CAMSAP3: variants seen among roughly 807,000 people sequenced by gnomAD.
CAMSAP3 encodes calmodulin-regulated spectrin-associated protein 3.
CAMSAP3 carries 34 observed loss-of-function variants against 112.5 expected under a neutral mutation model. The observed-to-expected ratio is 0.30, with a 90% CI of 0.23 to 0.40. CAMSAP3 has a LOEUF of 0.40. CAMSAP3 is among the 10% of genes least tolerant of loss of function. The pLI is 1.00. For missense variants in CAMSAP3, 1,602 were observed against 1,770.3 expected (o/e 0.90, Z 1.71); for synonymous variants, 868 against 799.8 (o/e 1.09, Z -1.44).
At position 7,606,150 on chromosome 19, in the gene CAMSAP3, A is replaced by G. The variant is rs909341011; in HGVS notation, c.403-121A>G. The G allele has an allele frequency of 4.5e-5, 12 of 265,354 alleles. 1 individual carries two copies. The highest frequency in any genetic ancestry group is 4.9e-5 in the Admixed American group (1 of 20,244). 16.4% of individuals were successfully genotyped at this position (265,354 alleles called of 1,614,324 possible). ...ATGAACCACTGGCCCCGCCCCCTCA[A>G]GCCCCACCCCCCCCGTCAAGTCCCT... On this transcript the variant is annotated intron_variant, in intron 2 of 16. Transcript: ENST00000160298.
chr19:7,606,678 C>A (rs1342959355), intron 4 of CAMSAP3, 107 bp downstream of exon 4: 2 of 1,559,930 alleles, frequency 1.3e-6, no homozygotes, highest in Non-Finnish European at 1.8e-6. Flanking sequence ...CTAGAGGTGA[C>A]ACACTCTCTC....
chr19:7,605,267 C>G lies in CAMSAP3; in HGVS notation c.190C>G (p.Gln64Glu). The G allele has an allele frequency of 6.2e-7, 1 of 1,606,230 alleles. No homozygotes were observed. Among genetic ancestry groups the G allele is most frequent in the African/African-American group, 1.3e-5 (1 of 74,524 alleles). The change falls in exon 2 of 17, where the codon CAG (glutamine) becomes GAG (glutamate). Residue 64 changes from glutamine (Q) to glutamate (E), a missense_variant. Coordinates refer to ENST00000160298, the MANE Select transcript of CAMSAP3 (RefSeq NM_020902.2). ...PELWEPFYTD[Q>E]YAQEHVKPPV... The stretch of plus-strand genomic sequence containing the variant: ...GCTGTGGGAGCCCTTCTATACCGAC[C>G]AGTACGCGCAGGAGCATGTGAAGCC...
rs1024174137 is a variant in CAMSAP3 at position 7,612,853 on chromosome 19, C to T, written c.2360C>T (p.Ala787Val). 7.5e-6 allele frequency: 12 copies of T among 1,594,228 alleles called. No homozygotes were observed. The highest frequency in any genetic ancestry group is 5.4e-5 in the African/African-American group (4 of 73,932). ...CGCAGCCCGAAACACACGCGGCCAG[C>T]GGAGCTGCGGCTGGCACCCTTGACC... ...SPRSPKHTRP[A>V]ELRLAPLTRV... The change falls in exon 11 of 17, where the codon GCG becomes GTG. Residue 787 changes from alanine to valine, a missense_variant. Transcript: ENST00000160298.
rs773367633 is a variant in CAMSAP3 at position 7,605,236 on chromosome 19, C to T, written c.159C>T (p.Pro53=). The change falls in exon 2 of 17, where the codon CCC becomes CCT. Residue 53 remains proline, a synonymous_variant. Transcript: ENST00000160298. ...RAAFGGAEHV[P]PELWEPFYTD... Reference sequence around the variant, plus strand: ...TCTATGCCCCCACAGAGCACGTGCCCCCGGAGCTGTGGGAGCCCTTCTATA... The same window carrying T: ...TCTATGCCCCCACAGAGCACGTGCCTCCGGAGCTGTGGGAGCCCTTCTATA... The T allele has an allele frequency of 1.3e-6, 2 of 1,551,280 alleles. No individual in the cohort carries two copies. The highest frequency in any genetic ancestry group is 1.7e-6 in the Non-Finnish European group (2 of 1,147,428).
At position 7,612,923 on chromosome 19, in the gene CAMSAP3, G is replaced by A; in HGVS notation, c.2430G>A (p.Leu810=). The A allele has an allele frequency of 6.2e-7, 1 of 1,609,718 alleles. No individual in the cohort carries two copies. The highest frequency in any genetic ancestry group is 8.5e-7 in the Non-Finnish European group (1 of 1,179,194). ...ACGACGTAGACAGCCTCCCCCACCT[G>A]CGCAAGTTCTCGCCGAGCCAGGTGC... The part of the protein sequence containing the change: ...PPHDVDSLPH[L]RKFSPSQVPV... The change falls in exon 11 of 17, where the codon CTG becomes CTA. Residue 810 remains leucine, a synonymous_variant. Transcript: ENST00000160298.
At position 7,612,860 on chromosome 19, in the gene CAMSAP3, G is replaced by A. The variant is rs1402176303; in HGVS notation, c.2367G>A (p.Leu789=). 6.2e-7 allele frequency: 1 copy of A among 1,600,010 alleles called. No individual in the cohort carries two copies. Among genetic ancestry groups the A allele is most frequent in the Non-Finnish European group, 8.5e-7 (1 of 1,175,198 alleles). The change falls in exon 11 of 17, where the codon CTG becomes CTA. Residue 789 remains leucine (L), a synonymous_variant. Coordinates refer to ENST00000160298, the MANE Select transcript of CAMSAP3 (RefSeq NM_020902.2). ...RSPKHTRPAE[L]RLAPLTRVLT... is the part of the protein sequence containing the mutation. ...CGAAACACACGCGGCCAGCGGAGCT[G>A]CGGCTGGCACCCTTGACCAGGGTGC...
chr19:7,613,137 C>G lies in CAMSAP3; in HGVS notation c.2644C>G (p.Arg882Gly). 2 of 1,277,128 alleles carry G rather than the reference C, an allele frequency of 1.6e-6. No individual in the cohort carries two copies. Among genetic ancestry groups the G allele is most frequent in the Non-Finnish European group, 2.0e-6 (2 of 990,916 alleles). 79.1% of individuals were successfully genotyped at this position (1,277,128 alleles called of 1,614,324 possible). The change falls in exon 11 of 17, where the codon CGG (arginine) becomes GGG (glycine). Residue 882 changes from arginine (R) to glycine (G), a missense_variant. Transcript: ENST00000160298. ...GGAGGCGTCTTCGGAGGGGGAGCCC[C>G]GGGTGGGGCTGGGGTTCTTCTACAA... is the stretch of plus-strand genomic sequence containing the variant. ...EEEASSEGEP[R>G]VGLGFFYKDE...
intron 2 of CAMSAP3, 121 bp from the exon 3 acceptor site, chr19:7,606,150 A>AACCCCCCCCCCCCCCCCCC: frequency 1.5e-5 from 4 of 265,232 alleles, no homozygotes; most frequent in Non-Finnish European, 2.6e-5. Flanking sequence ...CGCCCCCTCA[A>AACCCCCCCCCCCCCCCCCC]GCCCCACCCC....
At position 7,611,197 on chromosome 19, in the gene CAMSAP3, C is replaced by T. The variant is rs768959551; in HGVS notation, c.1123+29C>T. 12 of 1,608,848 alleles carry T rather than the reference C, an allele frequency of 7.5e-6. No individual in the cohort carries two copies. The highest frequency in any genetic ancestry group is 1.3e-5 in the African/African-American group (1 of 74,822). ...AGGAGGGGGTAGGTGGCTTCTGTCA[C>T]GGGGGACCCCCCCACTCACAGACTG... On this transcript the variant is annotated intron_variant, in intron 9 of 16. Transcript: ENST00000160298. This position sits in a 1 kb window ranked among gnomAD's most constrained non-coding sequence, Gnocchi z 6.9.
At chr19:7,614,690 G>T in intron 11 of CAMSAP3, 1 of 188,742 alleles carries the variant, frequency 5.3e-6, no homozygotes, top group Non-Finnish European at 1.1e-5. Context: ...CTGTGTCCCA[G>T]CCACACTGGC....
At position 7,595,883 on chromosome 19, in the gene CAMSAP3, G is replaced by T; in HGVS notation, c.-120G>T. On this transcript the variant is annotated 5_prime_UTR_variant, in exon 1 of 17. Coordinates refer to ENST00000160298, the MANE Select transcript of CAMSAP3 (RefSeq NM_020902.2). ...CGGCCGCACCTGGCTCAGCAGCGGCGGCGGCGGCGGCGGCGGCAGCGGCGG... is the reference window on the plus strand; with the variant it reads ...CGGCCGCACCTGGCTCAGCAGCGGCTGCGGCGGCGGCGGCGGCAGCGGCGG... 1 of 352,262 alleles carries T rather than the reference G, an allele frequency of 2.8e-6. No homozygotes were observed. Among genetic ancestry groups the T allele is most frequent in the Non-Finnish European group, 4.0e-6 (1 of 253,156 alleles). 21.8% of individuals were successfully genotyped at this position (352,262 alleles called of 1,614,324 possible). A position where few individuals can be genotyped will look rare whatever the true frequency, so the allele number is the denominator to read the frequency against.
rs376188196 is a variant in CAMSAP3 at position 7,615,553 on chromosome 19, C to T, written c.2946C>T (p.Tyr982=). Residue 982 remains tyrosine (Y), a synonymous_variant, in exon 13 of 17, where the codon TAC becomes TAT. Coordinates refer to ENST00000160298, the MANE Select transcript of CAMSAP3 (RefSeq NM_020902.2). The surrounding 1 kb of genome is among the most constrained non-coding windows in gnomAD (Gnocchi z 6.5). The part of the protein sequence containing the change: ...PRKGDFTRQE[Y]ERRAQLKLMD... ...AGGGGGACTTCACGCGGCAGGAGTA[C>T]GAGCGCCGGGCCCAGCTGAAGCTGA... The T allele has an allele frequency of 5.2e-4, 793 of 1,524,126 alleles. 3 individuals carry two copies. The African/African-American group carries it at 9.3e-3, about 18-fold the overall frequency. 94.4% of individuals were successfully genotyped at this position (1,524,126 alleles called of 1,614,324 possible).
Position 7,617,225 on chromosome 19 carries a change from T to G in CAMSAP3, c.3213-101T>G. The G allele has an allele frequency of 1.2e-6, 1 of 850,400 alleles. No individual in the cohort carries two copies. 52.7% of individuals were successfully genotyped at this position (850,400 alleles called of 1,614,324 possible). ...AGCCACGATGCCCAGCCGTGGCCCT[T>G]ATTTTCCTTGGCCCCTCTGCACATA... is the stretch of plus-strand genomic sequence containing the variant. On this transcript the variant is annotated intron_variant, in intron 14 of 16. Transcript: ENST00000160298. This position sits in a 1 kb window ranked among gnomAD's most constrained non-coding sequence, Gnocchi z 7.5.
Position 7,607,966 on chromosome 19 carries a change from G to A in CAMSAP3, c.622-160G>A. 2 of 897,710 alleles carry A rather than the reference G, an allele frequency of 2.2e-6. No homozygotes were observed. The highest frequency in any genetic ancestry group is 2.3e-5 in the Admixed American group (1 of 42,914). 55.6% of individuals were successfully genotyped at this position (897,710 alleles called of 1,614,324 possible). A position where few individuals can be genotyped will look rare whatever the true frequency, so the allele number is the denominator to read the frequency against. On this transcript the variant is annotated intron_variant, in intron 4 of 16. Transcript: ENST00000160298. This position sits in a 1 kb window ranked among gnomAD's most constrained non-coding sequence, Gnocchi z 4.9. Reference sequence around the variant, plus strand: ...GACATCTCCTCTGCCTCTTGCTGCTGCCCCTCCCCTGCTCCAGGCTGGCCC... The same window carrying A: ...GACATCTCCTCTGCCTCTTGCTGCTACCCCTCCCCTGCTCCAGGCTGGCCC...
chr19:7,612,611 G>T lies in CAMSAP3; in HGVS notation c.2118G>T (p.Leu706=). The change falls in exon 11 of 17, where the codon CTG becomes CTT. Residue 706 remains leucine (L), a synonymous_variant. Transcript: ENST00000160298. ...AATACAATCGAGCGGTCAGCAAGCTGAGTGCCGCCTTGAGCTCGCTGCAGC... is the reference window on the plus strand; with the variant it reads ...AATACAATCGAGCGGTCAGCAAGCTTAGTGCCGCCTTGAGCTCGCTGCAGC... The part of the protein sequence containing the change: ...LGEYNRAVSK[L]SAALSSLQRD... 6.5e-7 allele frequency: 1 copy of T among 1,530,314 alleles called. No individual in the cohort carries two copies. The allele number at this position is 1,530,314 out of a possible 1,614,324, so 94.8% of individuals were successfully genotyped here. A position where few individuals can be genotyped will look rare whatever the true frequency, so the allele number is the denominator to read the frequency against.
Position 7,615,917 on chromosome 19 carries a change from C to T in CAMSAP3, c.3112+198C>T, listed in dbSNP as rs970698859. Reference sequence around the variant, plus strand: ...AAAGACTTCCATAGGGGGCCGGGCGCGGTGGCTCACGCCTGTAATCCCAGC... The same window carrying T: ...AAAGACTTCCATAGGGGGCCGGGCGTGGTGGCTCACGCCTGTAATCCCAGC... On this transcript the variant is annotated intron_variant, in intron 13 of 16. Transcript: ENST00000160298. The surrounding 1 kb of genome is among the most constrained non-coding windows in gnomAD (Gnocchi z 6.5). Among the ~76,000 whole-genome samples the T allele has an allele frequency of 3.9e-5, 6 of 151,922 alleles. No homozygotes were observed. The highest frequency in any genetic ancestry group is 5.9e-5 in the Non-Finnish European group (4 of 67,934).
intron 1 of CAMSAP3, among the ~76,000 whole-genome samples, chr19:7,599,399 C>T: frequency 7.1e-6 from 1 of 140,786 alleles, no homozygotes; most frequent in Non-Finnish European, 1.5e-5. Flanking sequence ...CATCCATCCA[C>T]CCATTCATTC....
In CAMSAP3 at chr19:7,612,941, C is replaced by G. The variant is rs754602761; in HGVS notation, c.2448C>G (p.Ser816Arg). 1.2e-6 allele frequency: 2 copies of G among 1,608,974 alleles called. No individual in the cohort carries two copies. The highest frequency in any genetic ancestry group is 2.7e-5 in the African/African-American group (2 of 74,670). ...CCCACCTGCGCAAGTTCTCGCCGAG[C>G]CAGGTGCCCGTGCAGACGCGCTCTT... The part of the protein sequence containing the change: ...SLPHLRKFSP[S>R]QVPVQTRSSI... The change falls in exon 11 of 17, where the codon AGC becomes AGG. Residue 816 changes from serine to arginine, a missense_variant. Ser to Arg is a moderately radical substitution (Grantham distance 110). This residue lies in a region of CAMSAP3 where 1,100 missense variants were observed against 1,135.7 expected (regional missense o/e 0.97). Coordinates refer to ENST00000160298, the MANE Select transcript of CAMSAP3 (RefSeq NM_020902.2).
intron 2 of CAMSAP3, 96 bp from the exon 3 acceptor site, chr19:7,606,175 T>G: frequency 4.4e-6 from 1 of 225,598 alleles, no homozygotes; most frequent in Non-Finnish European, 7.3e-6. Flanking sequence ...GTCAAGTCCC[T>G]CCCATCTGCA....
Sources: allele counts gnomAD v4.1 joint callset (sites outside exome capture counted in the v4.1 genomes callset), GRCh38; gene constraint gnomAD v4.1.1; regional missense constraint gnomAD v4.1.1; non-coding constraint Gnocchi (gnomAD v3.1); transcripts MANE v1.5; gene names NCBI Gene and HGNC (gene_info 2026-07-23, HGNC 2026-07-21).